The following TUT1 variants were observed in gnomAD, a reference collection of about 807,000 sequenced individuals.
The protein encoded by TUT1 is terminal uridylyl transferase 1, U6 snRNA-specific, also known as speckle targeted PIP5K1A-regulated poly(A) polymerase.
TUT1 carries 26 observed loss-of-function variants against 48.8 expected under a neutral mutation model. The ratio of observed to expected loss-of-function variants is 0.53; its 90% confidence interval spans 0.39 to 0.74. The LOEUF is 0.74. Ranked by LOEUF, TUT1 falls within the 30% of genes least tolerant of loss-of-function variation. The probability of loss-of-function intolerance (pLI) is 0.00; values close to 1 mark genes in which losing one functional copy is unlikely to be tolerated. For synonymous variants in TUT1, 470 were observed against 460.8 expected, an observed-to-expected ratio of 1.02 and a Z score of -0.26; for missense variants, 1,065 against 1,114.8, an observed-to-expected ratio of 0.96 and a Z score of 0.64.
chr11:62,590,668 C>A (rs945874449), intron 1 of TUT1, among the ~76,000 whole-genome samples: 8 of 151,080 alleles, frequency 5.3e-5, no homozygotes, highest in Admixed American at 4.6e-4. Context: ...AAGAAATTAG[C>A]CAAGTATGGT....
chr11:62,578,276 G>A (rs1208969267), intron 5 of TUT1, among the ~76,000 whole-genome samples: 1 of 152,004 alleles, frequency 6.6e-6, no homozygotes, highest in Non-Finnish European at 1.5e-5. Flanking sequence ...GAAAGGTATG[G>A]TGCCTCACGC....
chr11:62,589,144 C>T lies in TUT1; in HGVS notation c.160G>A (p.Gly54Arg). ...CCACTGACAAACACACTTCGAAGTC[C>T]CTGGGCCTTTCTCGCAGCTCGTAGT... Reference protein sequence around the residue: ...VELRAARKAQGLRSVFVSGFP... With the variant: ...VELRAARKAQRLRSVFVSGFP... The change falls in exon 2 of 9, where the codon GGA becomes AGA. Residue 54 changes from glycine (G) to arginine (R), a missense_variant. Transcript: ENST00000476907. 1 of 1,614,236 alleles carries T rather than the reference C, an allele frequency of 6.2e-7. No individual in the cohort carries two copies. Among genetic ancestry groups the T allele is most frequent in the Non-Finnish European group, 8.5e-7 (1 of 1,180,054 alleles).
chr11:62,582,535 G>A (rs1212350887), intron 2 of TUT1: 1 of 446,040 alleles, frequency 2.2e-6, no homozygotes, highest in Non-Finnish European at 4.5e-6. Flanking sequence ...TGTTGAGGCT[G>A]CAGTGAGCTG....
intron 2 of TUT1, among the ~76,000 whole-genome samples, chr11:62,587,712 G>C (rs934674171): frequency 9.2e-5 from 14 of 152,162 alleles, no homozygotes; most frequent in Admixed American, 2.0e-4. Flanking sequence ...ACAAACACAG[G>C]CTCCACCCCA....
rs774183454 is a variant in TUT1, at chr11:62,575,791, C to T, written c.1928G>A (p.Arg643Gln). ...CTCCCCAGTTCCACCTCCTTCTGAC[C>T]GCGTTCTCTTGGTTGCCTGTTCTAT... ...CHIEQATKRT[R>Q]SEGGGTGESS... Residue 643 changes from arginine (R) to glutamine (Q), a missense_variant, in exon 9 of 9, where the codon CGG (arginine) becomes CAG (glutamine). Coordinates refer to ENST00000476907, the MANE Select transcript of TUT1 (RefSeq NM_022830.3). The T allele has an allele frequency of 9.9e-6, 16 of 1,614,166 alleles. No individual in the cohort carries two copies. Among genetic ancestry groups the T allele is most frequent in the Non-Finnish European group, 1.4e-5 (16 of 1,180,036 alleles).
intron 1 of TUT1, among the ~76,000 whole-genome samples, chr11:62,589,526 C>T (rs1425880364): frequency 2.6e-5 from 4 of 152,154 alleles, no homozygotes; most frequent in Non-Finnish European, 5.9e-5. Flanking sequence ...GCCTCAGCCT[C>T]GTGAGTAGGT....
rs748993328 is a variant in TUT1 at position 62,575,959 on chromosome 11, C to T, written c.1760G>A (p.Arg587Gln). 5 of 1,614,114 alleles carry T rather than the reference C, an allele frequency of 3.1e-6. No homozygotes were observed. Among genetic ancestry groups the T allele is most frequent in the Non-Finnish European group, 4.2e-6 (5 of 1,180,030 alleles). ...CAGAAGAGGGAGCAGCCCCCAGTCC[C>T]GACCCCGGGAGGAACGGCGCTGGTA... ...LQYQRRSSRG[R>Q]DWGLLPLLQP... The change falls in exon 9 of 9, where the codon CGG (arginine) becomes CAG (glutamine). Residue 587 changes from arginine (R) to glutamine (Q), a missense_variant. Transcript: ENST00000476907.
intron 2 of TUT1, among the ~76,000 whole-genome samples, chr11:62,586,393 C>G (rs1941915577): frequency 6.6e-6 from 1 of 152,242 alleles, no homozygotes; most frequent in African/African-American, 2.4e-5. Flanking sequence ...GCCTACTGAC[C>G]ATTTCCCTTA....
At chr11:62,590,939 T>C (rs568967307) in intron 1 of TUT1, among the ~76,000 whole-genome samples, 3 of 152,202 alleles carry the variant, frequency 2.0e-5, no homozygotes, top group African/African-American at 2.4e-5. Context: ...TAGTCATTCA[T>C]GCCACACCTA....
Position 62,577,395 on chromosome 11 carries a change from GCCAGAA to G in TUT1, c.1161-110_1161-105del, listed in dbSNP as rs1190117750. 5.8e-6 allele frequency: 5 copies of G among 862,972 alleles called. No homozygotes were observed. In the East Asian group the frequency reaches 1.3e-4, roughly 23 times the overall value. The allele number at this position is 862,972 out of a possible 1,614,324, so 53.5% of individuals were successfully genotyped here. ...CATAACTGGAGCCAGCTGGAATAAGGCCAGAACAGTTTCCCCAAATGTTGCTCACTG... is the reference window on the plus strand; with the variant it reads ...CATAACTGGAGCCAGCTGGAATAAGGCAGTTTCCCCAAATGTTGCTCACTG... On this transcript the variant is annotated intron_variant, in intron 5 of 8. Coordinates refer to ENST00000476907, the MANE Select transcript of TUT1 (RefSeq NM_022830.3).
Position 62,575,443 on chromosome 11 carries a change from G to A in TUT1, c.2276C>T (p.Ser759Phe), listed in dbSNP as rs564567770. ...GCGCCAGCTCGCTGAGGAGGGCAGG[G>A]ATGCCCCCTTCCCTGCCTCACCCTG... is the stretch of plus-strand genomic sequence containing the variant. ...WSQGEAGKGA[S>F]LPSSASWRCA... The change falls in exon 9 of 9, where the codon TCC becomes TTC. Residue 759 changes from serine (S) to phenylalanine (F), a missense_variant. Ser to Phe is a radical substitution (Grantham distance 155). Coordinates refer to ENST00000476907, the MANE Select transcript of TUT1 (RefSeq NM_022830.3). 1.4e-4 allele frequency: 227 copies of A among 1,611,298 alleles called. 2 individuals carry two copies. In the East Asian group the frequency reaches 4.5e-3, roughly 32 times the overall value.
chr11:62,576,738 G>A lies in TUT1; in HGVS notation c.1393C>T (p.Gln465Ter). ...CAGTCCCAGCCATCGACTTCCACCT[G>A]TTCCCCCTCTCCTGTGAAAGTAAAT... ...QLTQKAGEGEQVEVDGWDCSF... is the reference protein window; with the variant it reads ...QLTQKAGEGE Residue 465 changes from glutamine to a stop codon, truncating the protein, a stop_gained, in exon 8 of 9, where the codon CAG becomes TAG. Transcript: ENST00000476907. LOFTEE classifies it high-confidence loss of function. 1.2e-6 allele frequency: 2 copies of A among 1,614,152 alleles called. No individual in the cohort carries two copies. The highest frequency in any genetic ancestry group is 1.7e-6 in the Non-Finnish European group (2 of 1,180,018).
intron 2 of TUT1, among the ~76,000 whole-genome samples, chr11:62,585,778 G>C (rs1941902939): frequency 6.6e-6 from 1 of 151,766 alleles, no homozygotes; most frequent in Admixed American, 6.6e-5. Context: ...CAGCCTGGGA[G>C]ACAGAATGAG....
intron 1 of TUT1, 93 bp downstream of exon 1, chr11:62,591,311 A>G: frequency 6.9e-7 from 1 of 1,440,542 alleles, no homozygotes; most frequent in East Asian, 2.5e-5. Flanking sequence ...CAACTTGACA[A>G]GAACGACTGA....
At chr11:62,584,696 G>T (rs954848323) in intron 2 of TUT1, among the ~76,000 whole-genome samples, 2 of 151,622 alleles carry the variant, frequency 1.3e-5, no homozygotes, top group African/African-American at 4.8e-5. Context: ...CACCTGCCTC[G>T]GCCTCCCAAA....
chr11:62,586,042 C>T (rs899707181), intron 2 of TUT1, among the ~76,000 whole-genome samples: 2 of 152,196 alleles, frequency 1.3e-5, no homozygotes, highest in Non-Finnish European at 2.9e-5. Flanking sequence ...CCAGAGTTTG[C>T]GGTGAGCTGA....
At chr11:62,577,747 AG>A (rs766376111) in intron 5 of TUT1, among the ~76,000 whole-genome samples, 5 of 152,212 alleles carry the variant, frequency 3.3e-5, no homozygotes, top group Non-Finnish European at 7.3e-5. Context: ...TATTCAACGC[AG>A]AGCTCTTTTC....
intron 4 of TUT1, among the ~76,000 whole-genome samples, chr11:62,580,110 A>G (rs1056502600): frequency 6.6e-6 from 1 of 152,100 alleles, no homozygotes; most frequent in African/African-American, 2.4e-5. Context: ...CCCTATTTCT[A>G]AGTAATAATA....
At chr11:62,591,260 C>A in intron 1 of TUT1, 144 bp downstream of exon 1, 1 of 1,365,348 alleles carries the variant, frequency 7.3e-7, no homozygotes, top group Non-Finnish European at 9.5e-7. Flanking sequence ...CAAATCCCCT[C>A]GGACTTGCAG....
Sources: gnomAD v4.1 joint callset for allele counts (sites outside exome capture counted in the v4.1 genomes callset) on GRCh38, gnomAD v4.1.1 for gene constraint, MANE v1.5 for transcripts, NCBI Gene and HGNC (gene_info 2026-07-23, HGNC 2026-07-21) for gene names.